SGSH: variants seen among roughly 807,000 people sequenced by gnomAD.
SGSH encodes N-sulfoglucosamine sulfohydrolase.
In SGSH, 48 loss-of-function variants were observed where a neutral mutation model predicts 51.0. That is an observed-to-expected ratio of 0.94 (90% CI 0.75 to 1.20). The LOEUF (loss-of-function observed/expected upper bound fraction) is 1.20, where lower values mean the gene tolerates loss of function less well. Among genes scored for constraint, SGSH ranks in the 50% most tolerant of loss-of-function variants. The pLI, the probability that SGSH is intolerant of heterozygous loss-of-function variation, is 0.00. For synonymous variants in SGSH, 321 were observed against 313.4 expected, an observed-to-expected ratio of 1.02 and a Z score of -0.26; for missense variants, 662 against 717.8, an observed-to-expected ratio of 0.92 and a Z score of 0.89.
intron 7 of SGSH, chr17:80,211,302 T>A: frequency 1.5e-6 from 1 of 674,948 alleles, no homozygotes; most frequent in Non-Finnish European, 2.3e-6. Context: ...GCCCCTGTGG[T>A]GGGTGTGGCC....
At chr17:80,208,107 A>G, downstream of SGSH, 2 of 1,398,648 alleles carry the variant, frequency 1.4e-6, no homozygotes, top group South Asian at 1.4e-5. Context: ...CTCTCCCCTG[A>G]GCCCGCCCCC....
intron 1 of SGSH, 136 bp from the exon 2 acceptor site, chr17:80,217,328 C>T: frequency 7.1e-6 from 7 of 991,370 alleles, no homozygotes; most frequent in Non-Finnish European, 9.2e-6. Flanking sequence ...AGTGTGAACA[C>T]TCAGCGCGAA....
the SGSH span, chr17:80,201,712 GA>G: frequency 6.2e-7 from 1 of 1,613,176 alleles, no homozygotes. The surrounding 1 kb of genome is among the most constrained non-coding windows in gnomAD (Gnocchi z 5.0). Context: ...AGTCCCGGGG[GA>G]AAGAGACTGA....
rs529329090 is a variant in SGSH at position 80,215,022 on chromosome 17, G to A, written c.355+11C>T. 1.2e-4 allele frequency: 196 copies of A among 1,603,380 alleles called. No individual in the cohort carries two copies. Among genetic ancestry groups the A allele is most frequent in the Admixed American group, 1.8e-4 (11 of 59,990 alleles). On this transcript the variant is annotated intron_variant, in intron 3 of 7. Coordinates refer to ENST00000326317, the MANE Select transcript of SGSH (RefSeq NM_000199.5). The stretch of plus-strand genomic sequence containing the variant: ...TCACCCCACGCCCTGTCCTCGGCAC[G>A]GGGTCCTCACCTGTGCGCACACCAG...
downstream of SGSH, chr17:80,203,897 G>A (rs779539189): frequency 9.4e-6 from 15 of 1,588,138 alleles, no homozygotes; most frequent in African/African-American, 1.6e-4. The surrounding 1 kb of genome is among the most constrained non-coding windows in gnomAD (Gnocchi z 4.6). Context: ...TGAGGCTCCA[G>A]GGAGGGGCCT....
In SGSH at chr17:80,212,312, A is replaced by G. The variant is rs925892070; in HGVS notation, c.746-38T>C. The G allele has an allele frequency of 4.5e-6, 7 of 1,547,722 alleles. No individual in the cohort carries two copies. The highest frequency in any genetic ancestry group is 6.2e-6 in the Non-Finnish European group (7 of 1,137,584). ...GCCGAGAAGCAGAGCTCAGCCGCAG[A>G]CACGGAGGGAGGCAGCGGGTGGTGT... is the stretch of plus-strand genomic sequence containing the variant. On this transcript the variant is annotated intron_variant, in intron 6 of 7. Transcript: ENST00000326317. This position sits in a 1 kb window ranked among gnomAD's most constrained non-coding sequence, Gnocchi z 5.9.
downstream of SGSH, chr17:80,204,207 T>C (rs774816663): frequency 1.6e-5 from 25 of 1,569,940 alleles, no homozygotes; most frequent in African/African-American, 4.1e-5. Context: ...CTCCTCATCC[T>C]TTCTCTGTCC....
At position 80,212,226 on chromosome 17, in the gene SGSH, T is replaced by G; in HGVS notation, c.794A>C (p.Asp265Ala). ...GTCGGACGTGAAGATCACCAGTGTG[T>G]CGTTCAGGACACCGGCGTCACGCAG... ...QELRDAGVLN[D>A]TLVIFTSDNG... is the part of the protein sequence containing the mutation. Residue 265 changes from aspartate to alanine, a missense_variant, in exon 7 of 8, where the codon GAC (aspartate) becomes GCC (alanine). Physicochemically the swap from Asp to Ala is moderately radical, Grantham distance 126. Coordinates refer to ENST00000326317, the MANE Select transcript of SGSH (RefSeq NM_000199.5). This position sits in a 1 kb window ranked among gnomAD's most constrained non-coding sequence, Gnocchi z 5.9. The G allele has an allele frequency of 6.2e-7, 1 of 1,613,132 alleles. No individual in the cohort carries two copies. The highest frequency in any genetic ancestry group is 8.5e-7 in the Non-Finnish European group (1 of 1,179,922).
At chr17:80,207,100 G>C (rs767810230), downstream of SGSH, 1 of 1,596,474 alleles carries the variant, frequency 6.3e-7, no homozygotes, top group Admixed American at 1.7e-5. Context: ...GTGCACGCTG[G>C]GGGCTGGGCA....
At chr17:80,205,602 G>T, downstream of SGSH, 2 of 1,568,972 alleles carry the variant, frequency 1.3e-6, no homozygotes, top group Non-Finnish European at 1.7e-6. Flanking sequence ...AGAGGTGTCC[G>T]GGGGCCGCTG....
At chr17:80,205,907 T>C (rs2041274497), downstream of SGSH, 1 of 394,886 alleles carries the variant, frequency 2.5e-6, no homozygotes, top group African/African-American at 2.1e-5. Context: ...TAGATATTTG[T>C]TCGAGAATGA....
intron 1 of SGSH, among the ~76,000 whole-genome samples, chr17:80,219,542 G>A (rs2042049827): frequency 2.0e-5 from 3 of 152,214 alleles, no homozygotes; most frequent in Non-Finnish European, 1.5e-5. Context: ...GTTACAGTGA[G>A]CCGAACCCCC....
At chr17:80,211,510 A>C in intron 7 of SGSH, 1 of 262,590 alleles carries the variant, frequency 3.8e-6, no homozygotes, top group Non-Finnish European at 7.5e-6. Flanking sequence ...GCCCCTCACA[A>C]AGTCTTCCTG....
intron 2 of SGSH, among the ~76,000 whole-genome samples, chr17:80,216,346 G>C (rs1009320305): frequency 6.6e-6 from 1 of 151,902 alleles, no homozygotes; most frequent in African/African-American, 2.4e-5. Context: ...AAAAGGACTA[G>C]TCCTGTGTGA....
chr17:80,212,370 T>C lies in SGSH; in HGVS notation c.746-96A>G. 9.0e-7 allele frequency: 1 copy of C among 1,106,224 alleles called. No homozygotes were observed. The highest frequency in any genetic ancestry group is 1.3e-5 in the South Asian group (1 of 74,952). 68.5% of individuals were successfully genotyped at this position (1,106,224 alleles called of 1,614,324 possible). A position where few individuals can be genotyped will look rare whatever the true frequency, so the allele number is the denominator to read the frequency against. Reference sequence around the variant, plus strand: ...CCCACCTGCTGCTGCATCCGGCCGCTGGGCTCCAGCGCTTTCCGGATTCGA... The same window carrying C: ...CCCACCTGCTGCTGCATCCGGCCGCCGGGCTCCAGCGCTTTCCGGATTCGA... On this transcript the variant is annotated intron_variant, in intron 6 of 7. Coordinates refer to ENST00000326317, the MANE Select transcript of SGSH (RefSeq NM_000199.5). This position sits in a 1 kb window ranked among gnomAD's most constrained non-coding sequence, Gnocchi z 5.9.
At chr17:80,216,828 C>T (rs2041907742) in intron 2 of SGSH, 1 of 598,686 alleles carries the variant, frequency 1.7e-6, no homozygotes, top group Non-Finnish European at 3.0e-6. Context: ...AGGCCACACA[C>T]AGCAGTGCAG....
At chr17:80,204,956 C>A, downstream of SGSH, 2 of 1,286,790 alleles carry the variant, frequency 1.6e-6, no homozygotes, top group Non-Finnish European at 2.1e-6. Flanking sequence ...GCAAAGCAGA[C>A]CCAGTCCCTC....
rs761607612 is a variant in SGSH, at chr17:80,214,757, C to T, written c.364G>A (p.Gly122Arg). 1.5e-5 allele frequency: 24 copies of T among 1,611,972 alleles called. No individual in the cohort carries two copies. In the South Asian group the frequency reaches 1.8e-4, roughly 12 times the overall value. ...SQAGVRTGII[G>R]KKHVGPETVY... ...GTCTCCGGCCCCACGTGCTTCTTCC[C>T]GATGATGCCTGGGCGGGAAGAGAGG... The change falls in exon 4 of 8, where the codon GGG (glycine) becomes AGG (arginine). Residue 122 changes from glycine (G) to arginine (R), a missense_variant. By Grantham distance (125) the Gly-to-Arg change is moderately radical. Coordinates refer to ENST00000326317, the MANE Select transcript of SGSH (RefSeq NM_000199.5).
At position 80,215,105 on chromosome 17, in the gene SGSH, C is replaced by T. The variant is rs1446771050; in HGVS notation, c.283G>A (p.Val95Met). The T allele has an allele frequency of 3.1e-6, 5 of 1,612,210 alleles. No individual in the cohort carries two copies. The highest frequency in any genetic ancestry group is 2.2e-5 in the East Asian group (1 of 44,882). The change falls in exon 3 of 8, where the codon GTG becomes ATG. Residue 95 changes from valine (V) to methionine (M), a missense_variant. By Grantham distance (21) the Val-to-Met change is conservative (BLOSUM62 1). Coordinates refer to ENST00000326317, the MANE Select transcript of SGSH (RefSeq NM_000199.5). ...TTGTCGAAGGAGTTGAAGTGGTGCACGTCCTGGTGCAGCCCGTACATCCCA... is the reference window on the plus strand; with the variant it reads ...TTGTCGAAGGAGTTGAAGTGGTGCATGTCCTGGTGCAGCCCGTACATCCCA... Reference protein sequence around the residue: ...QNGMYGLHQDVHHFNSFDKVR... With the variant: ...QNGMYGLHQDMHHFNSFDKVR...
Sources: allele counts gnomAD v4.1 joint callset (sites outside exome capture counted in the v4.1 genomes callset), GRCh38; gene constraint gnomAD v4.1.1; non-coding constraint Gnocchi (gnomAD v3.1); transcripts MANE v1.5; gene names NCBI Gene and HGNC (gene_info 2026-07-23, HGNC 2026-07-21).